ROBO1: variants seen among roughly 807,000 people sequenced by gnomAD.
ROBO1 encodes roundabout homolog 1.
A neutral mutation model predicts 195.9 loss-of-function variants in ROBO1; 149 were observed. The ratio of observed to expected loss-of-function variants is 0.76; its 90% CI spans 0.67 to 0.87. The LOEUF (loss-of-function observed/expected upper bound fraction) is 0.87. Among genes scored for constraint, ROBO1 ranks in the 40% least tolerant of loss-of-function variants. ROBO1 has a pLI of 0.00. For missense variants in ROBO1, 1,933 were observed against 2,068.3 expected (o/e 0.93, Z 1.27); for synonymous variants, 816 against 733.2 (o/e 1.11, Z -1.82).
intron 5 of ROBO1, among the ~76,000 whole-genome samples, chr3:78,736,834 T>C (rs924717559): frequency 6.6e-6 from 1 of 152,130 alleles, no homozygotes; most frequent in African/African-American, 2.4e-5. Flanking sequence ...ACATGATAAG[T>C]GTATGTGTAA....
chr3:79,183,079 TCA>T (rs2081374417), intron 2 of ROBO1, among the ~76,000 whole-genome samples: 2 of 95,450 alleles, frequency 2.1e-5, no homozygotes. Flanking sequence ...AGACTCCAAC[TCA>T]AAAAAAAAAA....
intron 3 of ROBO1, among the ~76,000 whole-genome samples, chr3:78,948,776 G>A (rs2040601755): frequency 6.6e-6 from 1 of 152,090 alleles, no homozygotes; most frequent in African/African-American, 2.4e-5. Flanking sequence ...CATCGTCTCA[G>A]CCCAAAATCT....
intron 2 of ROBO1, among the ~76,000 whole-genome samples, chr3:79,478,283 C>T (rs1938647108): frequency 6.6e-6 from 1 of 152,076 alleles, no homozygotes; most frequent in African/African-American, 2.4e-5. Flanking sequence ...TTATGGGGCT[C>T]ATATCCTGAT....
intron 1 of ROBO1, among the ~76,000 whole-genome samples, chr3:79,605,837 C>G (rs1560031645): frequency 6.6e-6 from 1 of 151,866 alleles, no homozygotes; most frequent in Non-Finnish European, 1.5e-5. Context: ...GTCGCCTAAC[C>G]AGTTCCTCCA....
At chr3:78,717,129 G>A (rs1406916743) in intron 7 of ROBO1, 146 bp downstream of exon 7, 5 of 796,986 alleles carry the variant, frequency 6.3e-6, no homozygotes, top group Non-Finnish European at 7.4e-6. Flanking sequence ...GCAACCTCCT[G>A]CTTCTAATTA....
intron 2 of ROBO1, among the ~76,000 whole-genome samples, chr3:79,261,644 C>G (rs989074094): frequency 2.6e-5 from 4 of 151,864 alleles, no homozygotes; most frequent in Non-Finnish European, 5.9e-5. Flanking sequence ...AGTAGGCCGT[C>G]TGATGTAAGT....
intron 2 of ROBO1, among the ~76,000 whole-genome samples, chr3:79,398,861 C>T (rs1276576475): frequency 6.6e-6 from 1 of 151,978 alleles, no homozygotes; most frequent in Non-Finnish European, 1.5e-5. Flanking sequence ...TTATGTTAAT[C>T]ACACTCTCTC....
At chr3:78,732,328 C>G (rs759507493) in intron 5 of ROBO1, among the ~76,000 whole-genome samples, 13 of 152,188 alleles carry the variant, frequency 8.5e-5, no homozygotes, top group Non-Finnish European at 1.6e-4. Flanking sequence ...GAAGTTCCCC[C>G]TTCCAGCACA....
intron 2 of ROBO1, among the ~76,000 whole-genome samples, chr3:79,559,107 C>T (rs1474440176): frequency 1.3e-5 from 2 of 152,152 alleles, no homozygotes; most frequent in Non-Finnish European, 1.5e-5. Context: ...TCAGACCACG[C>T]CCCAATAAGG....
chr3:79,140,034 G>A (rs1437929657), intron 2 of ROBO1, among the ~76,000 whole-genome samples: 1 of 152,044 alleles, frequency 6.6e-6, no homozygotes, highest in Non-Finnish European at 1.5e-5. Flanking sequence ...TGATGGATGG[G>A]GAATCAGGAA....
intron 4 of ROBO1, among the ~76,000 whole-genome samples, chr3:78,782,655 T>C (rs984451142): frequency 6.6e-6 from 1 of 152,222 alleles, no homozygotes; most frequent in Non-Finnish European, 1.5e-5. Flanking sequence ...TTCCTGAATC[T>C]ATAAACACCA....
chr3:79,572,095 A>T (rs1943297228), intron 2 of ROBO1, among the ~76,000 whole-genome samples: 1 of 152,122 alleles, frequency 6.6e-6, no homozygotes, highest in Admixed American at 6.6e-5. Flanking sequence ...TGGCACATGT[A>T]TACATAATGT....
At chr3:78,770,157 T>G (rs2083335702) in intron 4 of ROBO1, among the ~76,000 whole-genome samples, 1 of 152,154 alleles carries the variant, frequency 6.6e-6, no homozygotes, top group Non-Finnish European at 1.5e-5. Context: ...CCTCGATTAT[T>G]CCCCCAAATA....
intron 4 of ROBO1, among the ~76,000 whole-genome samples, chr3:78,907,980 T>G (rs1378073436): frequency 6.6e-6 from 1 of 151,928 alleles, no homozygotes; most frequent in African/African-American, 2.4e-5. Context: ...GCCCAAAGTA[T>G]CATTCATGGA....
chr3:79,739,896 T>G (rs886625760), intron 1 of ROBO1, among the ~76,000 whole-genome samples: 2 of 152,160 alleles, frequency 1.3e-5, no homozygotes, highest in Non-Finnish European at 2.9e-5. Flanking sequence ...CTTGAAGTTT[T>G]CAGACTGCTC....
chr3:79,166,501 T>A (rs1449061228), intron 2 of ROBO1, among the ~76,000 whole-genome samples: 1 of 152,074 alleles, frequency 6.6e-6, no homozygotes, highest in East Asian at 1.9e-4. Context: ...TCAACAACTT[T>A]CATAAAATCT....
intron 4 of ROBO1, among the ~76,000 whole-genome samples, chr3:78,754,755 CAT>C (rs1244321334): frequency 1.3e-5 from 2 of 152,020 alleles, no homozygotes; most frequent in African/African-American, 4.8e-5. Flanking sequence ...AATTGTGATA[CAT>C]GTCATGAAGG....
intron 2 of ROBO1, among the ~76,000 whole-genome samples, chr3:79,178,791 T>G (rs1444000001): frequency 4.6e-5 from 7 of 152,196 alleles, no homozygotes; most frequent in Non-Finnish European, 7.3e-5. Flanking sequence ...AGATGAAAGC[T>G]TCATGAATAT....
At chr3:78,736,196 T>A (rs1385622835) in intron 5 of ROBO1, among the ~76,000 whole-genome samples, 1 of 152,108 alleles carries the variant, frequency 6.6e-6, no homozygotes, top group African/African-American at 2.4e-5. Context: ...TCATATATAT[T>A]CAAATTAGCA....
Sources: allele counts gnomAD v4.1 joint callset (sites outside exome capture counted in the v4.1 genomes callset), GRCh38; gene constraint gnomAD v4.1.1; transcripts MANE v1.5; gene names NCBI Gene and HGNC (gene_info 2026-07-23, HGNC 2026-07-21).